Variants in ACOXL observed in about 807,000 individuals in gnomAD.
The protein encoded by ACOXL is acyl-CoA oxidase like, also known as acyl-coenzyme A oxidase-like protein.
A neutral mutation model predicts 71.9 loss-of-function variants in ACOXL; 70 were observed. That is an observed-to-expected ratio of 0.97 (90% confidence interval 0.80 to 1.19). The LOEUF (loss-of-function observed/expected upper bound fraction) is 1.19. Among genes scored for constraint, ACOXL ranks in the 50% most tolerant of loss-of-function variants. ACOXL has a pLI of 0.00. For synonymous variants in ACOXL, 253 were observed against 281.6 expected (o/e 0.90, Z 1.02); for missense variants, 703 against 736.3 (o/e 0.95, Z 0.52).
At chr2:110,930,071 C>T (rs759807475) in intron 11 of ACOXL, among the ~76,000 whole-genome samples, 28 of 152,132 alleles carry the variant, frequency 1.8e-4, no homozygotes, top group Admixed American at 5.2e-4. Flanking sequence ...TCCTCCAGAC[C>T]CTATAATGTC....
intron 12 of ACOXL, chr2:110,968,082 GC>G (rs2062010625): frequency 7.9e-7 from 1 of 1,272,164 alleles, no homozygotes; most frequent in Non-Finnish European, 1.1e-6. Context: ...CACACGAACT[GC>G]CAAAATATGG....
At position 110,921,391 on chromosome 2, in the gene ACOXL, C is replaced by CG. The variant is rs1249649177; in HGVS notation, c.906-12098_906-12097insG. Reference sequence around the variant, plus strand: ...CTCTCTGTGTCTCTATATATCCACCCCCCCCCCCCTTTTTTTTTTGAGGCA... The same window carrying CG: ...CTCTCTGTGTCTCTATATATCCACCCGCCCCCCCCCTTTTTTTTTTGAGGCA... On this transcript the variant is annotated intron_variant, in intron 11 of 17. Transcript: ENST00000439055. Among the ~76,000 whole-genome samples, 3 of 113,468 alleles carry CG rather than the reference C, an allele frequency of 2.6e-5. No individual in the cohort carries two copies. The East Asian group carries it at 8.1e-4, about 30-fold the overall frequency. The allele number at this position is 113,468 out of a possible 152,430, so 74.4% of individuals were successfully genotyped here.
intron 10 of ACOXL, among the ~76,000 whole-genome samples, chr2:110,864,929 G>A (rs1459784528): frequency 6.6e-6 from 1 of 152,198 alleles, no homozygotes; most frequent in Non-Finnish European, 1.5e-5. Flanking sequence ...GCACCTGTTG[G>A]CCCAGGTTTT....
rs1558718931 is a variant in ACOXL at position 110,913,805 on chromosome 2, G to A, written c.905+4900G>A. 2.0e-5 allele frequency among the ~76,000 whole-genome samples: 3 copies of A among 152,260 alleles called. No homozygotes were observed. In the South Asian group the frequency reaches 6.2e-4, roughly 32 times the overall value. On this transcript the variant is annotated intron_variant, in intron 11 of 17. Transcript: ENST00000439055. ...AGTAGGAGGAGGCACATCACATGGC[G>A]AAAGCAGGAGCAAGAGAGAGTAGGA...
chr2:111,036,222 G>C (rs1200319583), intron 15 of ACOXL, among the ~76,000 whole-genome samples: 2 of 152,202 alleles, frequency 1.3e-5, no homozygotes, highest in Non-Finnish European at 2.9e-5. Context: ...GACCAGAGGT[G>C]CTAGTTGGCT....
intron 16 of ACOXL, among the ~76,000 whole-genome samples, chr2:111,075,702 A>T (rs2149949623): frequency 6.6e-6 from 1 of 152,012 alleles, no homozygotes; most frequent in South Asian, 2.1e-4. Flanking sequence ...TAAGCATTTT[A>T]TGCTATAACT....
intron 12 of ACOXL, chr2:110,968,629 C>T (rs931213114): frequency 4.3e-6 from 4 of 925,210 alleles, no homozygotes; most frequent in African/African-American, 3.3e-5. Flanking sequence ...AGAGGTGGAA[C>T]TGTCCCAAAA....
intron 13 of ACOXL, among the ~76,000 whole-genome samples, chr2:110,993,485 T>C (rs2063264406): frequency 6.6e-6 from 1 of 152,264 alleles, no homozygotes; most frequent in South Asian, 2.1e-4. Flanking sequence ...CTTTTCATTA[T>C]TGTAGTATTT....
chr2:110,887,187 A>G (rs1418079695), intron 10 of ACOXL: 1 of 265,030 alleles, frequency 3.8e-6, no homozygotes, highest in African/African-American at 2.2e-5. Flanking sequence ...CCTGATATGG[A>G]AAGTGAAAAT....
At chr2:110,981,485 C>T (rs2062706557) in intron 12 of ACOXL, among the ~76,000 whole-genome samples, 1 of 152,164 alleles carries the variant, frequency 6.6e-6, no homozygotes, top group African/African-American at 2.4e-5. Flanking sequence ...CCATGAACTA[C>T]CCAAAGTTGT....
chr2:111,081,254 T>C (rs984909891), intron 16 of ACOXL, among the ~76,000 whole-genome samples: 1 of 152,204 alleles, frequency 6.6e-6, no homozygotes, highest in Non-Finnish European at 1.5e-5. Context: ...GATGACATGA[T>C]TGTATATTTA....
intron 15 of ACOXL, among the ~76,000 whole-genome samples, chr2:111,037,368 C>T (rs1308763948): frequency 1.3e-5 from 2 of 152,178 alleles, no homozygotes; most frequent in Non-Finnish European, 2.9e-5. Context: ...GGTTTTTTAT[C>T]ACCAGTGACC....
At chr2:110,771,915 G>A (rs540686631) in intron 2 of ACOXL, among the ~76,000 whole-genome samples, 1 of 152,310 alleles carries the variant, frequency 6.6e-6, no homozygotes, top group Non-Finnish European at 1.5e-5. Flanking sequence ...GCAGTGTCTT[G>A]TCCTGCATGG....
chr2:110,800,369 ATTGCCCCATC>A (rs1685822731), intron 7 of ACOXL, among the ~76,000 whole-genome samples: 2 of 152,148 alleles, frequency 1.3e-5, no homozygotes, highest in Admixed American at 1.3e-4. Flanking sequence ...CTGTCTCCAA[ATTGCCCCATC>A]TTACAGAGAA....
At chr2:111,039,908 CT>C (rs749717829) in intron 15 of ACOXL, among the ~76,000 whole-genome samples, 7 of 152,188 alleles carry the variant, frequency 4.6e-5, no homozygotes, top group African/African-American at 7.2e-5. Flanking sequence ...AAAAAAATGG[CT>C]TTCAAAAATG....
chr2:110,951,765 A>G (rs567401045), intron 12 of ACOXL, among the ~76,000 whole-genome samples: 34 of 152,300 alleles, frequency 2.2e-4, no homozygotes, highest in African/African-American at 6.7e-4. Flanking sequence ...TTAATCTGTT[A>G]ATGTGATGAA....
intron 5 of ACOXL, among the ~76,000 whole-genome samples, chr2:110,797,054 G>C (rs1049858824): frequency 6.6e-5 from 10 of 152,152 alleles, no homozygotes; most frequent in Non-Finnish European, 1.3e-4. Flanking sequence ...CTTGCCCCAG[G>C]TGCCCTGTAT....
chr2:110,805,408 G>A lies in ACOXL; in HGVS notation c.753+13G>A, dbSNP rs769963732. ...GGGTGCCATGAAGGTAATTGACTCT[G>A]ATTTTAACTTAATTATCTACTGTGA... On this transcript the variant is annotated intron_variant, in intron 9 of 17. Transcript: ENST00000439055. 1 of 1,614,022 alleles carries A rather than the reference G, an allele frequency of 6.2e-7. No homozygotes were observed. Among genetic ancestry groups the A allele is most frequent in the Non-Finnish European group, 8.5e-7 (1 of 1,180,012 alleles).
intron 12 of ACOXL, among the ~76,000 whole-genome samples, chr2:110,965,704 T>C (rs944164872): frequency 6.6e-6 from 1 of 152,162 alleles, no homozygotes; most frequent in African/African-American, 2.4e-5. Flanking sequence ...TTACAGATTT[T>C]CCTCTTCACA....
Sources: gnomAD v4.1 joint callset for allele counts (sites outside exome capture counted in the v4.1 genomes callset) on GRCh38, gnomAD v4.1.1 for gene constraint, MANE v1.5 for transcripts, NCBI Gene and HGNC (gene_info 2026-07-23, HGNC 2026-07-21) for gene names.